KIFAP3: variants seen among roughly 807,000 people sequenced by gnomAD.
KIFAP3 encodes kinesin associated protein 3.
In KIFAP3, 68 loss-of-function variants were observed where a neutral mutation model predicts 106.5. That is an observed-to-expected ratio of 0.64 (90% CI 0.53 to 0.78). The LOEUF is 0.78. KIFAP3 is among the 30% of genes least tolerant of loss of function. The pLI is 0.00. For missense variants in KIFAP3, 780 were observed against 941.8 expected, an observed-to-expected ratio of 0.83 and a Z score of 2.25; for synonymous variants, 320 against 311.5, an observed-to-expected ratio of 1.03 and a Z score of -0.29.
At chr1:170,005,185 G>A (rs17464054) in intron 10 of KIFAP3, among the ~76,000 whole-genome samples, 20 of 151,756 alleles carry the variant, frequency 1.3e-4, no homozygotes, top group East Asian at 5.8e-4. Flanking sequence ...TTAGAATGGC[G>A]ATCATTAAAA....
chr1:170,042,554 C>T (rs915227090), intron 3 of KIFAP3, among the ~76,000 whole-genome samples: 4 of 152,182 alleles, frequency 2.6e-5, no homozygotes, highest in African/African-American at 9.6e-5. Context: ...ATATTGTTCC[C>T]TTTCTTTCCA....
chr1:170,035,215 T>C (rs1669623079), intron 6 of KIFAP3, among the ~76,000 whole-genome samples: 1 of 152,028 alleles, frequency 6.6e-6, no homozygotes, highest in East Asian at 1.9e-4. Context: ...GGTGCCACTA[T>C]TACTATCCAA....
chr1:169,921,669 T>C lies in KIFAP3; in HGVS notation c.*7A>G. The C allele has an allele frequency of 6.2e-7, 1 of 1,603,062 alleles. No individual in the cohort carries two copies. Among genetic ancestry groups the C allele is most frequent in the Non-Finnish European group, 8.5e-7 (1 of 1,170,136 alleles). On this transcript the variant is annotated 3_prime_UTR_variant, in exon 20 of 20. Transcript: ENST00000361580. Reference sequence around the variant, plus strand: ...AGCTGAGATTACACATGGAAACAGATACTTTATCAAGATCCATAGCCATAG... The same window carrying C: ...AGCTGAGATTACACATGGAAACAGACACTTTATCAAGATCCATAGCCATAG...
At position 170,058,363 on chromosome 1, in the gene KIFAP3, G is replaced by C. The variant is rs558635417; in HGVS notation, c.33-2927C>G. 5.9e-5 allele frequency among the ~76,000 whole-genome samples: 9 copies of C among 152,250 alleles called. No individual in the cohort carries two copies. The South Asian group carries it at 1.9e-3, about 32-fold the overall frequency. Reference sequence around the variant, plus strand: ...TAGAGCAAATAACAGAGCCGTTTTAGGAAGTGTTTGGTCTACTCTCCATAT... The same window carrying C: ...TAGAGCAAATAACAGAGCCGTTTTACGAAGTGTTTGGTCTACTCTCCATAT... On this transcript the variant is annotated intron_variant, in intron 1 of 19. Transcript: ENST00000361580.
At chr1:169,925,816 C>A (rs990661233) in intron 19 of KIFAP3, among the ~76,000 whole-genome samples, 1 of 151,968 alleles carries the variant, frequency 6.6e-6, no homozygotes, top group Non-Finnish European at 1.5e-5. Context: ...TTAATTAGTG[C>A]GTATTTGTAA....
intron 19 of KIFAP3, among the ~76,000 whole-genome samples, chr1:169,927,101 T>G (rs1231627233): frequency 6.6e-6 from 1 of 152,208 alleles, no homozygotes; most frequent in Non-Finnish European, 1.5e-5. Flanking sequence ...TAATTTCAGC[T>G]TAAGTATGAT....
At chr1:169,933,211 G>A (rs1663591426) in intron 19 of KIFAP3, among the ~76,000 whole-genome samples, 1 of 151,924 alleles carries the variant, frequency 6.6e-6, no homozygotes, top group African/African-American at 2.4e-5. Context: ...TTTATAGTGG[G>A]CAGTATTATT....
chr1:170,036,870 A>G (rs1669716458), intron 5 of KIFAP3, among the ~76,000 whole-genome samples: 1 of 152,206 alleles, frequency 6.6e-6, no homozygotes, highest in Non-Finnish European at 1.5e-5. Context: ...AAGAAAATAT[A>G]GTTTACAAGA....
chr1:170,039,648 A>G (rs1238489496), intron 3 of KIFAP3, among the ~76,000 whole-genome samples: 1 of 152,166 alleles, frequency 6.6e-6, no homozygotes, highest in African/African-American at 2.4e-5. Context: ...AGGAAAATCA[A>G]TAAGGCAAAG....
chr1:170,049,810 A>ACCC (rs142603033), intron 2 of KIFAP3, among the ~76,000 whole-genome samples: 14 of 139,360 alleles, frequency 1.0e-4, no homozygotes, highest in African/African-American at 3.8e-4. Flanking sequence ...AAAAAACACC[A>ACCC]CCCCCCCCCA....
At chr1:170,070,480 G>A (rs764438978) in intron 1 of KIFAP3, among the ~76,000 whole-genome samples, 1 of 151,970 alleles carries the variant, frequency 6.6e-6, no homozygotes, top group Non-Finnish European at 1.5e-5. Context: ...TGAGAGTGCA[G>A]GAATAAACCC....
At chr1:170,033,175 A>G (rs1394510635) in intron 7 of KIFAP3, among the ~76,000 whole-genome samples, 1 of 151,776 alleles carries the variant, frequency 6.6e-6, no homozygotes, top group Non-Finnish European at 1.5e-5. Context: ...TAGAAAATTT[A>G]TAAACCTGAA....
At chr1:169,951,254 C>T (rs936438647) in intron 19 of KIFAP3, among the ~76,000 whole-genome samples, 2 of 151,786 alleles carry the variant, frequency 1.3e-5, no homozygotes, top group East Asian at 1.9e-4. Context: ...TGATTGAAGG[C>T]CTTAAAAATT....
At chr1:170,033,401 T>C (rs1034632513) in intron 7 of KIFAP3, among the ~76,000 whole-genome samples, 15 of 151,848 alleles carry the variant, frequency 9.9e-5, no homozygotes, top group African/African-American at 2.9e-4. Flanking sequence ...GAGTTAAAAA[T>C]GTATGATATT....
intron 1 of KIFAP3, among the ~76,000 whole-genome samples, chr1:170,061,308 A>T (rs1339215517): frequency 7.1e-6 from 1 of 140,668 alleles, no homozygotes; most frequent in Non-Finnish European, 1.6e-5. Flanking sequence ...ACTTAAACAA[A>T]TTTACAAGAA....
At chr1:169,933,782 A>C (rs1663629986) in intron 19 of KIFAP3, among the ~76,000 whole-genome samples, 1 of 152,106 alleles carries the variant, frequency 6.6e-6, no homozygotes, top group Non-Finnish European at 1.5e-5. Flanking sequence ...AAATTCACCC[A>C]AACTAACTTA....
chr1:169,980,186 AT>A (rs1666442813), intron 15 of KIFAP3, among the ~76,000 whole-genome samples: 1 of 152,164 alleles, frequency 6.6e-6, no homozygotes, highest in African/African-American at 2.4e-5. Context: ...ATGAGTGATA[AT>A]AACATGGGTA....
chr1:170,082,237 G>A (rs372063305), intron 1 of KIFAP3, among the ~76,000 whole-genome samples: 20 of 152,254 alleles, frequency 1.3e-4, no homozygotes, highest in South Asian at 1.0e-3. Flanking sequence ...TCACACAATG[G>A]ATACTACTTA....
At chr1:170,037,871 C>T (rs1045369126) in intron 5 of KIFAP3, among the ~76,000 whole-genome samples, 3 of 152,138 alleles carry the variant, frequency 2.0e-5, no homozygotes, top group African/African-American at 7.2e-5. Flanking sequence ...CTACCAAGTA[C>T]TTTTAGTGAA....
Sources: allele counts gnomAD v4.1 joint callset (sites outside exome capture counted in the v4.1 genomes callset), GRCh38; gene constraint gnomAD v4.1.1; transcripts MANE v1.5; gene names NCBI Gene and HGNC (gene_info 2026-07-23, HGNC 2026-07-21).